PDE3A: variants seen among roughly 807,000 people sequenced by gnomAD.
PDE3A encodes the protein cGMP-inhibited 3',5'-cyclic phosphodiesterase 3A.
A neutral mutation model predicts 98.3 loss-of-function variants in PDE3A; 43 were observed. The ratio of observed to expected loss-of-function variants is 0.44; its 90% CI spans 0.34 to 0.56. The LOEUF (loss-of-function observed/expected upper bound fraction) is 0.56. Among genes scored for constraint, PDE3A ranks in the 20% least tolerant of loss-of-function variants. PDE3A has a pLI of 0.01. For missense variants in PDE3A, 1,427 were observed against 1,440.7 expected (o/e 0.99, Z 0.15); for synonymous variants, 663 against 567.9 (o/e 1.17, Z -2.38).
chr12:20,523,365 C>T (rs1309638703), intron 1 of PDE3A, among the ~76,000 whole-genome samples: 1 of 152,152 alleles, frequency 6.6e-6, no homozygotes, highest in African/African-American at 2.4e-5. Flanking sequence ...AGAGAATATG[C>T]AGAGAGCATA....
chr12:20,400,482 C>T (rs1242666076), intron 1 of PDE3A, among the ~76,000 whole-genome samples: 1 of 145,988 alleles, frequency 6.8e-6, no homozygotes, highest in Non-Finnish European at 1.5e-5. Flanking sequence ...TCACGGCTCA[C>T]TGCAAGCTCC....
At chr12:20,460,771 G>A (rs1473308695) in intron 1 of PDE3A, among the ~76,000 whole-genome samples, 2 of 152,066 alleles carry the variant, frequency 1.3e-5, no homozygotes, top group Non-Finnish European at 2.9e-5. Context: ...TTTAAGTAGG[G>A]AAGTGGAACT....
At chr12:20,406,143 A>G (rs1944229059) in intron 1 of PDE3A, among the ~76,000 whole-genome samples, 1 of 152,186 alleles carries the variant, frequency 6.6e-6, no homozygotes, top group African/African-American at 2.4e-5. Flanking sequence ...ATTGTTGAAC[A>G]CTTAGGTTGT....
chr12:20,667,055 T>A (rs1945332956), intron 15 of PDE3A, among the ~76,000 whole-genome samples: 1 of 152,218 alleles, frequency 6.6e-6, no homozygotes, highest in Non-Finnish European at 1.5e-5. Context: ...CATATACCTG[T>A]TGGCCATTTG....
At chr12:20,612,458 A>C (rs572584423) in intron 2 of PDE3A, among the ~76,000 whole-genome samples, 1 of 151,354 alleles carries the variant, frequency 6.6e-6, no homozygotes, top group African/African-American at 2.4e-5. Flanking sequence ...AGTCAGATAC[A>C]TTAGGAATAT....
chr12:20,440,259 A>T (rs571476775), intron 1 of PDE3A, among the ~76,000 whole-genome samples: 5 of 152,274 alleles, frequency 3.3e-5, no homozygotes, highest in African/African-American at 1.2e-4. Context: ...TTTGGCCCCC[A>T]AAAGACTTAA....
chr12:20,669,278 G>C (rs1945404911), intron 15 of PDE3A, among the ~76,000 whole-genome samples: 3 of 152,098 alleles, frequency 2.0e-5, no homozygotes, highest in Non-Finnish European at 2.9e-5. Context: ...ACATGCTGCA[G>C]GATATTATCC....
intron 1 of PDE3A, among the ~76,000 whole-genome samples, chr12:20,374,793 A>G (rs1388639806): frequency 1.3e-5 from 2 of 152,040 alleles, no homozygotes; most frequent in African/African-American, 2.4e-5. Context: ...AGTAGAGTCA[A>G]TGTTGACTTC....
At chr12:20,674,569 G>A (rs1055905082) in intron 15 of PDE3A, among the ~76,000 whole-genome samples, 6 of 152,076 alleles carry the variant, frequency 3.9e-5, no homozygotes, top group South Asian at 2.1e-4. Context: ...ATTTTTATGC[G>A]AAGTCACCCA....
At chr12:20,373,245 C>T (rs1565528433) in intron 1 of PDE3A, among the ~76,000 whole-genome samples, 1 of 151,972 alleles carries the variant, frequency 6.6e-6, no homozygotes. Context: ...TGTCAAACTA[C>T]TTTTTTGGCT....
intron 1 of PDE3A, among the ~76,000 whole-genome samples, chr12:20,392,094 A>G (rs1185489213): frequency 6.6e-6 from 1 of 151,856 alleles, no homozygotes; most frequent in Non-Finnish European, 1.5e-5. Context: ...ATAATAATCT[A>G]TAGATGTATA....
chr12:20,464,733 T>C (rs887214942), intron 1 of PDE3A, among the ~76,000 whole-genome samples: 2 of 152,138 alleles, frequency 1.3e-5, no homozygotes, highest in African/African-American at 4.8e-5. Flanking sequence ...GGACTATAAA[T>C]TGCTGACGTG....
chr12:20,517,822 A>G (rs1011884395), intron 1 of PDE3A, among the ~76,000 whole-genome samples: 2 of 152,108 alleles, frequency 1.3e-5, no homozygotes, highest in Non-Finnish European at 2.9e-5. Context: ...GTGCACACCA[A>G]TCTCTCGCTA....
intron 1 of PDE3A, among the ~76,000 whole-genome samples, chr12:20,493,671 C>T (rs1382397314): frequency 6.6e-6 from 1 of 152,038 alleles, no homozygotes; most frequent in Non-Finnish European, 1.5e-5. Flanking sequence ...GCTCTTGTTG[C>T]CAAGGCTGCA....
intron 9 of PDE3A, among the ~76,000 whole-genome samples, chr12:20,639,247 G>A (rs917005837): frequency 9.9e-5 from 15 of 152,028 alleles, no homozygotes; most frequent in Non-Finnish European, 1.9e-4. Context: ...ATGGATACCA[G>A]TAGACAATAA....
At chr12:20,633,551 A>C in intron 6 of PDE3A, 142 bp from the exon 7 acceptor site, 1 of 505,366 alleles carries the variant, frequency 2.0e-6, no homozygotes, top group South Asian at 3.4e-5. Context: ...ATCAAACAAA[A>C]TGCATATTTT....
At chr12:20,378,475 C>G (rs1015988628) in intron 1 of PDE3A, among the ~76,000 whole-genome samples, 1 of 151,492 alleles carries the variant, frequency 6.6e-6, no homozygotes, top group African/African-American at 2.4e-5. Context: ...GTGATTGGGA[C>G]AGGGTATATT....
At chr12:20,523,446 T>C (rs991834192) in intron 1 of PDE3A, among the ~76,000 whole-genome samples, 21 of 152,246 alleles carry the variant, frequency 1.4e-4, no homozygotes, top group African/African-American at 5.1e-4. Context: ...CTTCTTTCTC[T>C]AATTTCCTTT....
rs746079138 is a variant in PDE3A at position 20,634,345 on chromosome 12, T to C, written c.1847-557T>C. Among the ~76,000 whole-genome samples, 3 of 152,290 alleles carry C rather than the reference T, an allele frequency of 2.0e-5. No individual in the cohort carries two copies. In the East Asian group the frequency reaches 5.8e-4, roughly 29 times the overall value. On this transcript the variant is annotated intron_variant, in intron 7 of 15. Transcript: ENST00000359062. ...TAGACTTCAGACTCTGGGTGTTTACTGATTGGTCTTTTAGTTAGCACAGTT... is the reference window on the plus strand; with the variant it reads ...TAGACTTCAGACTCTGGGTGTTTACCGATTGGTCTTTTAGTTAGCACAGTT...
Sources: gnomAD v4.1 joint callset for allele counts (sites outside exome capture counted in the v4.1 genomes callset) on GRCh38, gnomAD v4.1.1 for gene constraint, MANE v1.5 for transcripts, NCBI Gene and HGNC (gene_info 2026-07-23, HGNC 2026-07-21) for gene names.